RHOU: variants seen among roughly 807,000 people sequenced by gnomAD.
RHOU encodes ras homolog family member U, also known as rho-related GTP-binding protein RhoU.
RHOU carries 8 observed loss-of-function variants against 12.6 expected under a neutral mutation model. The observed-to-expected ratio is 0.64, with a 90% CI of 0.37 to 1.15. The LOEUF is 1.15. RHOU is among the 50% of genes most tolerant of loss of function. The probability of loss-of-function intolerance (pLI) is 0.01; values close to 1 mark genes in which losing one functional copy is unlikely to be tolerated. For synonymous variants in RHOU, 161 were observed against 147.4 expected (o/e 1.09, Z -0.67); for missense variants, 258 against 347.0 (o/e 0.74, Z 2.04).
chr1:228,729,867 C>A, the RHOU span, among the ~76,000 whole-genome samples: 6 of 152,182 alleles, frequency 3.9e-5, no homozygotes, highest in African/African-American at 1.4e-4. Context: ...AAGGTGATGG[C>A]AGGTGATAAA....
chr1:228,712,929 T>C, the RHOU span, among the ~76,000 whole-genome samples: 1 of 151,778 alleles, frequency 6.6e-6, no homozygotes, highest in Admixed American at 6.6e-5. Context: ...ACTGCCAGGG[T>C]CTGCCTGACC....
At chr1:228,647,334 G>T in the RHOU span, among the ~76,000 whole-genome samples, 1 of 152,250 alleles carries the variant, frequency 6.6e-6, no homozygotes. Flanking sequence ...GAGATTTGCA[G>T]AGTGCGCCCG....
chr1:228,709,795 G>T, the RHOU span, among the ~76,000 whole-genome samples: 1 of 151,816 alleles, frequency 6.6e-6, no homozygotes, highest in Non-Finnish European at 1.5e-5. Flanking sequence ...CAGAAGGCAA[G>T]AAATAACTAA....
At chr1:228,714,026 ATAT>A in the RHOU span, among the ~76,000 whole-genome samples, 2 of 152,178 alleles carry the variant, frequency 1.3e-5, no homozygotes, top group African/African-American at 4.8e-5. Context: ...AAGATGTTAA[ATAT>A]TATAAAAGGT....
upstream of RHOU, among the ~76,000 whole-genome samples, chr1:228,733,244 G>C (rs1662528371): frequency 6.6e-6 from 1 of 152,212 alleles, no homozygotes; most frequent in South Asian, 2.1e-4. Flanking sequence ...TCTGACAGCA[G>C]ACAACTTCTG....
At chr1:228,731,865 T>C (rs1267584910), upstream of RHOU, among the ~76,000 whole-genome samples, 3 of 151,964 alleles carry the variant, frequency 2.0e-5, no homozygotes, top group African/African-American at 4.8e-5. Flanking sequence ...CTGCACCCAG[T>C]TTTCAGAATT....
the RHOU span, among the ~76,000 whole-genome samples, chr1:228,685,956 C>T: frequency 6.6e-6 from 1 of 152,108 alleles, no homozygotes; most frequent in African/African-American, 2.4e-5. Flanking sequence ...TAATTTTATT[C>T]TGATCAGAGT....
At chr1:228,674,406 G>A in the RHOU span, among the ~76,000 whole-genome samples, 1 of 150,384 alleles carries the variant, frequency 6.6e-6, no homozygotes, top group African/African-American at 2.5e-5. Flanking sequence ...GAGCGCAGTG[G>A]TGCAATTTCG....
chr1:228,705,331 C>T, the RHOU span, among the ~76,000 whole-genome samples: 1 of 152,104 alleles, frequency 6.6e-6, no homozygotes, highest in South Asian at 2.1e-4. Context: ...TTTGCTATTT[C>T]TGTAAGCATT....
the RHOU span, among the ~76,000 whole-genome samples, chr1:228,713,904 A>G: frequency 2.0e-5 from 3 of 152,080 alleles, no homozygotes; most frequent in Non-Finnish European, 4.4e-5. Context: ...TGTAGATTTG[A>G]TTGCTTGCTT....
At chr1:228,697,311 C>T in the RHOU span, among the ~76,000 whole-genome samples, 1 of 152,182 alleles carries the variant, frequency 6.6e-6, no homozygotes, top group Admixed American at 6.5e-5. Context: ...AAGGCACAAA[C>T]GCCCTGAATA....
Position 228,744,046 on chromosome 1 carries a change from G to T in RHOU, c.*306G>T. 1 of 282,112 alleles carries T rather than the reference G, an allele frequency of 3.5e-6. No homozygotes were observed. The highest frequency in any genetic ancestry group is 6.7e-6 in the Non-Finnish European group (1 of 150,102). The allele number at this position is 282,112 out of a possible 1,614,324, so 17.5% of individuals were successfully genotyped here. A position where few individuals can be genotyped will look rare whatever the true frequency, so the allele number is the denominator to read the frequency against. The stretch of plus-strand genomic sequence containing the variant: ...ATATGAAGAAGACACCTCTAATCTG[G>T]ATGTTAAGAATGAAGTTCTGCTACA... On this transcript the variant is annotated 3_prime_UTR_variant, in exon 3 of 3. Transcript: ENST00000366691.
At chr1:228,686,579 G>T in the RHOU span, among the ~76,000 whole-genome samples, 3 of 152,200 alleles carry the variant, frequency 2.0e-5, no homozygotes, top group Admixed American at 6.5e-5. Context: ...TGCAAGCCAT[G>T]GTGAGCACTT....
chr1:228,651,326 TG>T, the RHOU span: 2 of 166,478 alleles, frequency 1.2e-5, no homozygotes, highest in South Asian at 1.7e-4. Flanking sequence ...GCCCACCCAC[TG>T]GACAGTCTCA....
the RHOU span, among the ~76,000 whole-genome samples, chr1:228,700,609 A>C: frequency 2.6e-5 from 4 of 152,204 alleles, no homozygotes; most frequent in Non-Finnish European, 4.4e-5. Context: ...TTGACAAGAA[A>C]ATTTAGTTAT....
chr1:228,666,205 C>T, the RHOU span, among the ~76,000 whole-genome samples: 20 of 152,314 alleles, frequency 1.3e-4, no homozygotes, highest in African/African-American at 4.8e-4. Context: ...AGTGATCCAT[C>T]CACCTTAGCC....
At chr1:228,693,874 A>G in the RHOU span, among the ~76,000 whole-genome samples, 1 of 152,218 alleles carries the variant, frequency 6.6e-6, no homozygotes, top group Non-Finnish European at 1.5e-5. Flanking sequence ...TTACCCAATA[A>G]CAGGTGATGA....
the RHOU span, among the ~76,000 whole-genome samples, chr1:228,722,093 T>G: frequency 6.6e-6 from 1 of 152,230 alleles, no homozygotes; most frequent in South Asian, 2.1e-4. Context: ...GATTTTTTAC[T>G]GGCCACACTG....
the RHOU span, among the ~76,000 whole-genome samples, chr1:228,720,935 A>G: frequency 6.6e-6 from 1 of 152,310 alleles, no homozygotes; most frequent in Non-Finnish European, 1.5e-5. Flanking sequence ...AGAAATCTCC[A>G]CAGCCTTCCC....
Sources: allele counts gnomAD v4.1 joint callset (sites outside exome capture counted in the v4.1 genomes callset), GRCh38; gene constraint gnomAD v4.1.1; transcripts MANE v1.5; gene names NCBI Gene and HGNC (gene_info 2026-07-23, HGNC 2026-07-21).